NAV1: variants seen among roughly 807,000 people sequenced by gnomAD.
NAV1 encodes neuron navigator 1.
In NAV1, 18 loss-of-function variants were observed where a neutral mutation model predicts 175.2. That is an observed-to-expected ratio of 0.10 (90% CI 0.07 to 0.15). The LOEUF is 0.15. Among genes scored for constraint, NAV1 ranks in the 10% least tolerant of loss-of-function variants. The pLI, the probability that NAV1 is intolerant of heterozygous loss-of-function variation, is 1.00. For missense variants in NAV1, 1,731 were observed against 2,436.6 expected, an observed-to-expected ratio of 0.71 and a Z score of 6.10; for synonymous variants, 897 against 978.7, an observed-to-expected ratio of 0.92 and a Z score of 1.56.
chr1:201,549,678 T>C (rs61819690), intron 1 of NAV1, among the ~76,000 whole-genome samples: 149,456 of 149,472 alleles, frequency 1, 74,720 homozygotes, highest in Middle Eastern at 1. Flanking sequence ...GCTGGGCAGG[T>C]TACAGCCTGC....
exon 1 of NAV1, chr1:201,649,126 C>T (rs1352946025): frequency 3.1e-6 from 5 of 1,612,098 alleles, no homozygotes; most frequent in South Asian, 1.1e-5. Context: ...AAGGGCAGCC[C>T]GGCGGGCGGC....
At chr1:201,823,884 TAAAAGAGTAGG>T (rs1181322269) in exon 30 of NAV1, 3 of 152,026 alleles carry the variant, frequency 2.0e-5, no homozygotes, top group East Asian at 3.9e-4. Context: ...TAAAGTATTC[TAAAAGAGTAGG>T]AAGAGAGAAA....
intron 3 of NAV1, among the ~76,000 whole-genome samples, chr1:201,766,104 A>G (rs1019291578): frequency 2.0e-5 from 3 of 152,222 alleles, no homozygotes; most frequent in African/African-American, 7.2e-5. Context: ...CCAATTTCAT[A>G]TAAGACTCTG....
intron 3 of NAV1, among the ~76,000 whole-genome samples, chr1:201,722,741 C>T (rs569507396): frequency 1.3e-5 from 2 of 152,326 alleles, no homozygotes; most frequent in Admixed American, 1.3e-4. Context: ...TTTCTACCAG[C>T]AATGAATGAG....
chr1:201,643,670 C>T (rs1668882638), upstream of NAV1, among the ~76,000 whole-genome samples: 1 of 152,162 alleles, frequency 6.6e-6, no homozygotes, highest in South Asian at 2.1e-4. Flanking sequence ...GCCTCAGCCT[C>T]CCAAAGTGCT....
chr1:201,655,395 A>T, intron 1 of NAV1, among the ~76,000 whole-genome samples: 1 of 152,124 alleles, frequency 6.6e-6, no homozygotes, highest in East Asian at 1.9e-4. Context: ...GATTACCCAG[A>T]TGTGTTTGAT....
chr1:201,676,136 C>G (rs748031513), intron 1 of NAV1, among the ~76,000 whole-genome samples: 1 of 152,170 alleles, frequency 6.6e-6, no homozygotes, highest in African/African-American at 2.4e-5. Context: ...TCCAGCCCCT[C>G]TTTCTGAGAT....
intron 1 of NAV1, among the ~76,000 whole-genome samples, chr1:201,698,910 A>G (rs556211444): frequency 5.9e-5 from 9 of 152,214 alleles, no homozygotes; most frequent in Non-Finnish European, 1.2e-4. Flanking sequence ...GTCTCTGTCT[A>G]ACTCATTCTG....
At chr1:201,749,689 A>G (rs1196259258) in intron 3 of NAV1, among the ~76,000 whole-genome samples, 1 of 152,218 alleles carries the variant, frequency 6.6e-6, no homozygotes, top group Non-Finnish European at 1.5e-5. Flanking sequence ...AAGTTTCAAA[A>G]GGGAAATTGC....
intron 17 of NAV1, among the ~76,000 whole-genome samples, chr1:201,804,801 T>A (rs1029760771): frequency 7.2e-5 from 11 of 152,114 alleles, no homozygotes; most frequent in African/African-American, 2.4e-4. Context: ...TAAAAAGCAG[T>A]CAAATTGAGC....
chr1:201,712,857 G>A, exon 2 of NAV1: 1 of 1,614,030 alleles, frequency 6.2e-7, no homozygotes, highest in South Asian at 1.1e-5. Context: ...AGAATGTCCT[G>A]GATCTCCGGC....
At chr1:201,706,254 G>GT (rs1553256673) in intron 1 of NAV1, among the ~76,000 whole-genome samples, 1 of 148,862 alleles carries the variant, frequency 6.7e-6, no homozygotes, top group African/African-American at 2.5e-5. Flanking sequence ...ATTAAGAAGG[G>GT]GTGTGTGTGT....
intron 1 of NAV1, among the ~76,000 whole-genome samples, chr1:201,677,478 C>T (rs1225602224): frequency 2.0e-5 from 3 of 152,088 alleles, no homozygotes; most frequent in East Asian, 1.9e-4. Context: ...CTGTTTACCC[C>T]ACCCCGTCCC....
intron 3 of NAV1, among the ~76,000 whole-genome samples, chr1:201,734,590 T>C (rs1183646406): frequency 6.6e-6 from 1 of 151,772 alleles, no homozygotes; most frequent in Non-Finnish European, 1.5e-5. Flanking sequence ...TTCCCAGAGA[T>C]TTGGGATCCA....
At chr1:201,586,219 A>G (rs1049257877) in intron 1 of NAV1, among the ~76,000 whole-genome samples, 2 of 141,924 alleles carry the variant, frequency 1.4e-5, no homozygotes, top group African/African-American at 5.1e-5. Context: ...AGAAAGAGAC[A>G]GTCTGTGATT....
upstream of NAV1, among the ~76,000 whole-genome samples, chr1:201,646,224 C>T (rs767104523): frequency 6.6e-6 from 1 of 152,208 alleles, no homozygotes; most frequent in East Asian, 1.9e-4. Context: ...CTTGTCATTT[C>T]CTATCTGGAA....
At chr1:201,568,017 A>G (rs1466857883) in intron 1 of NAV1, among the ~76,000 whole-genome samples, 1 of 152,142 alleles carries the variant, frequency 6.6e-6, no homozygotes, top group Non-Finnish European at 1.5e-5. Context: ...TGCCATGCAA[A>G]TTGAGTACAT....
rs1166814394 is a variant in NAV1 at position 201,787,994 on chromosome 1, G to A, written c.2996-474G>A. Among the ~76,000 whole-genome samples the A allele has an allele frequency of 6.6e-6, 1 of 152,180 alleles. No homozygotes were observed. The highest frequency in any genetic ancestry group is 1.5e-5 in the Non-Finnish European group (1 of 68,032). ...GCCCTTCCACAATGCCAGGGCAACG[G>A]GATCCCGTAGCCCAGCCCCCTTCTC... On this transcript the variant is annotated intron_variant, in intron 9 of 29. Coordinates refer to ENST00000367296, the Ensembl canonical transcript of NAV1. The surrounding 1 kb of genome is among the most constrained non-coding windows in gnomAD (Gnocchi z 4.3).
chr1:201,563,621 C>A (rs1571822683), intron 1 of NAV1, among the ~76,000 whole-genome samples: 1 of 152,244 alleles, frequency 6.6e-6, no homozygotes, highest in East Asian at 1.9e-4. Flanking sequence ...TAACACCCCA[C>A]TTCTCTGAGC....
Sources: allele counts gnomAD v4.1 joint callset (sites outside exome capture counted in the v4.1 genomes callset), GRCh38; gene constraint gnomAD v4.1.1; non-coding constraint Gnocchi (gnomAD v3.1); transcripts MANE v1.5; gene names NCBI Gene and HGNC (gene_info 2026-07-23, HGNC 2026-07-21).